KRAS: variants seen among roughly 807,000 people sequenced by gnomAD.
KRAS encodes GTPase KRas.
KRAS carries 1 observed loss-of-function variant against 21.0 expected under a neutral mutation model. The observed-to-expected ratio is 0.05, with a 90% CI of 0.02 to 0.23. The LOEUF (loss-of-function observed/expected upper bound fraction) is 0.23, where lower values mean the gene tolerates loss of function less well. KRAS is among the 10% of genes least tolerant of loss of function. KRAS has a pLI of 1.00. For missense variants in KRAS, 107 were observed against 221.8 expected (o/e 0.48, Z 3.29); for synonymous variants, 67 against 72.5 (o/e 0.92, Z 0.39).
chr12:25,216,343 G>C (rs577841517), intron 4 of KRAS, among the ~76,000 whole-genome samples: 6 of 152,066 alleles, frequency 3.9e-5, no homozygotes, highest in East Asian at 1.9e-4. Context: ...GCAATGGCAC[G>C]ATCATGACTG....
intron 4 of KRAS, among the ~76,000 whole-genome samples, chr12:25,221,598 A>T (rs1017638426): frequency 4.0e-5 from 6 of 151,252 alleles, no homozygotes; most frequent in Admixed American, 6.6e-5. Flanking sequence ...GGTCATAATT[A>T]AAAAAAAATG....
chr12:25,241,966 T>C (rs1030114614), intron 2 of KRAS, among the ~76,000 whole-genome samples: 1 of 152,208 alleles, frequency 6.6e-6, no homozygotes, highest in African/African-American at 2.4e-5. Context: ...TTTACAAATT[T>C]TCTCTCTATA....
intron 3 of KRAS, 21 bp from the exon 4 acceptor site, chr12:25,225,794 A>ATC: frequency 6.2e-7 from 1 of 1,606,104 alleles, no homozygotes; most frequent in Non-Finnish European, 8.5e-7. Flanking sequence ...AAAAAAAGTT[A>ATC]TAGCACAGTC....
intron 4 of KRAS, among the ~76,000 whole-genome samples, chr12:25,216,035 A>T (rs992621827): frequency 6.6e-6 from 1 of 152,240 alleles, no homozygotes; most frequent in Non-Finnish European, 1.5e-5. Flanking sequence ...GTTAAAAAAC[A>T]ACAAAAACAT....
chr12:25,239,561 G>A (rs777180676), intron 2 of KRAS, among the ~76,000 whole-genome samples: 3 of 152,170 alleles, frequency 2.0e-5, no homozygotes, highest in Non-Finnish European at 4.4e-5. Flanking sequence ...TTTCACAAGT[G>A]TATAGTTTAG....
In KRAS at chr12:25,250,862, C is replaced by CCGCCGCCACCTT; in HGVS notation, c.-135_-124dup. ...GCGGGGGCCGGGAGTACTGGCCGAG[C>CCGCCGCCACCTT]CGCCGCCACCTTCGCCGCCGCCACT... On this transcript the variant is annotated 5_prime_UTR_variant, in exon 1 of 5. Coordinates refer to ENST00000311936, the MANE Select transcript of KRAS (RefSeq NM_004985.5). 4.1e-6 allele frequency: 1 copy of CCGCCGCCACCTT among 246,626 alleles called. No individual in the cohort carries two copies. The highest frequency in any genetic ancestry group is 7.7e-6 in the Non-Finnish European group (1 of 130,028). 15.3% of individuals were successfully genotyped at this position (246,626 alleles called of 1,614,324 possible). A position where few individuals can be genotyped will look rare whatever the true frequency, so the allele number is the denominator to read the frequency against.
rs61762442 is a variant in KRAS, at chr12:25,216,161, C to G, written c.451-6250G>C. The stretch of plus-strand genomic sequence containing the variant: ...TGAAGCTGAGACTGGGTCTTCTGTA[C>G]ATGTTTAATTACATTATTAAAATCT... On this transcript the variant is annotated intron_variant, in intron 4 of 4. Transcript: ENST00000311936. Among the ~76,000 whole-genome samples the G allele has an allele frequency of 8.0e-3, 1,211 of 152,260 alleles. 8 individuals are homozygous for G. The highest frequency in any genetic ancestry group is 0.013 in the Non-Finnish European group (913 of 68,020).
intron 1 of KRAS, among the ~76,000 whole-genome samples, chr12:25,245,958 G>T (rs2135807186): frequency 6.6e-6 from 1 of 152,264 alleles, no homozygotes; most frequent in Non-Finnish European, 1.5e-5. Context: ...AGAGTTGAGA[G>T]AATGAGTGTC....
At position 25,218,578 on chromosome 12, in the gene KRAS, T is replaced by TA. The variant is rs533109339; in HGVS notation, c.450+7035dup. 9.3e-4 allele frequency among the ~76,000 whole-genome samples: 142 copies of TA among 152,328 alleles called. 2 individuals carry two copies. In the Middle Eastern group the frequency reaches 0.01, roughly 11 times the overall value. On this transcript the variant is annotated intron_variant, in intron 4 of 4. Coordinates refer to ENST00000311936, the MANE Select transcript of KRAS (RefSeq NM_004985.5). ...TTTTAGTAATAAGAAACTTAGGTTT[T>TA]AGAGTACCAGTTATTTACCACAGTT...
At chr12:25,220,250 G>A (rs1189847326) in intron 4 of KRAS, among the ~76,000 whole-genome samples, 2 of 152,204 alleles carry the variant, frequency 1.3e-5, no homozygotes, top group Non-Finnish European at 2.9e-5. Flanking sequence ...CTAGGTAACA[G>A]TCCTTATACA....
Position 25,209,701 on chromosome 12 carries a change from T to A in KRAS, c.*94A>T. 1 of 1,519,298 alleles carries A rather than the reference T, an allele frequency of 6.6e-7. No individual in the cohort carries two copies. The highest frequency in any genetic ancestry group is 8.8e-7 in the Non-Finnish European group (1 of 1,133,620). The allele number at this position is 1,519,298 out of a possible 1,614,324, so 94.1% of individuals were successfully genotyped here. A position where few individuals can be genotyped will look rare whatever the true frequency, so the allele number is the denominator to read the frequency against. ...AGTCTGCATGGAGCAGGAAAAAAAT[T>A]AGGTAATGCTAAAACAAATGCTAAT... is the stretch of plus-strand genomic sequence containing the variant. On this transcript the variant is annotated 3_prime_UTR_variant, in exon 5 of 5. Coordinates refer to ENST00000311936, the MANE Select transcript of KRAS (RefSeq NM_004985.5).
Position 25,225,596 on chromosome 12 carries a change from T to C in KRAS, c.450+18A>G. ...ATTTTGCAGAAAACAGATCTGTATTTATTTCAGTGTTACTTACCTGTCTTG... is the reference window on the plus strand; with the variant it reads ...ATTTTGCAGAAAACAGATCTGTATTCATTTCAGTGTTACTTACCTGTCTTG... On this transcript the variant is annotated intron_variant, in intron 4 of 4. Coordinates refer to ENST00000311936, the MANE Select transcript of KRAS (RefSeq NM_004985.5). 1 of 1,611,134 alleles carries C rather than the reference T, an allele frequency of 6.2e-7. No homozygotes were observed. Among genetic ancestry groups the C allele is most frequent in the Non-Finnish European group, 8.5e-7 (1 of 1,178,234 alleles).
intron 1 of KRAS, among the ~76,000 whole-genome samples, 167 bp downstream of exon 1, chr12:25,250,584 C>A (rs1389597556): frequency 2.6e-5 from 4 of 151,334 alleles, no homozygotes; most frequent in Non-Finnish European, 5.9e-5. Flanking sequence ...CCGCGCGCCT[C>A]CCCCCTGCAG....
chr12:25,216,484 G>A (rs982955591), intron 4 of KRAS, among the ~76,000 whole-genome samples: 44 of 151,908 alleles, frequency 2.9e-4, no homozygotes, highest in African/African-American at 9.7e-4. Context: ...CATGTTGCCC[G>A]GGCTGGTCTC....
At chr12:25,234,445 T>A in intron 2 of KRAS, 1 of 182,606 alleles carries the variant, frequency 5.5e-6, no homozygotes, top group Non-Finnish European at 1.2e-5. Context: ...ACCCATTTTA[T>A]CATTACTTAA....
At chr12:25,213,057 C>T (rs1176528379) in intron 4 of KRAS, among the ~76,000 whole-genome samples, 9 of 152,056 alleles carry the variant, frequency 5.9e-5, no homozygotes, top group Admixed American at 5.9e-4. Flanking sequence ...CACACCACAG[C>T]CAGCTTGTCA....
At chr12:25,232,006 C>T (rs1565886869) in intron 2 of KRAS, among the ~76,000 whole-genome samples, 1 of 152,130 alleles carries the variant, frequency 6.6e-6, no homozygotes, top group African/African-American at 2.4e-5. Flanking sequence ...CCAAGACCCC[C>T]CCAGCCTCTA....
chr12:25,234,855 T>C (rs1055374208), intron 2 of KRAS: 2 of 216,010 alleles, frequency 9.3e-6, no homozygotes, highest in African/African-American at 4.5e-5. Flanking sequence ...CAGAGACATA[T>C]TCCATGTATC....
intron 2 of KRAS, among the ~76,000 whole-genome samples, chr12:25,243,370 G>A (rs1206280137): frequency 6.6e-6 from 1 of 152,140 alleles, no homozygotes; most frequent in Non-Finnish European, 1.5e-5. Flanking sequence ...AAGTTCACAG[G>A]TAACCAATGC....
Sources: gnomAD v4.1 joint callset for allele counts (sites outside exome capture counted in the v4.1 genomes callset) on GRCh38, gnomAD v4.1.1 for gene constraint, MANE v1.5 for transcripts, NCBI Gene and HGNC (gene_info 2026-07-23, HGNC 2026-07-21) for gene names.